Variants in GATC observed in about 807,000 individuals in gnomAD.
GATC encodes the protein glutamyl-tRNA(Gln) amidotransferase subunit C, mitochondrial.
Under a neutral mutation model 14.4 loss-of-function variants are expected in GATC, and 11 were observed. That is an observed-to-expected ratio of 0.77 (90% CI 0.48 to 1.27). The LOEUF (loss-of-function observed/expected upper bound fraction) is 1.27, where lower values mean the gene tolerates loss of function less well. GATC is among the 50% of genes most tolerant of loss of function. GATC has a pLI of 0.00. For synonymous variants in GATC, 76 were observed against 79.3 expected, an observed-to-expected ratio of 0.96 and a Z score of 0.22; for missense variants, 204 against 183.0, an observed-to-expected ratio of 1.11 and a Z score of -0.66.
intron 2 of GATC, among the ~76,000 whole-genome samples, chr12:120,453,815 CAAA>C (rs1194329326): frequency 7.3e-6 from 1 of 136,474 alleles, no homozygotes; most frequent in Admixed American, 7.6e-5. Context: ...GACCCTGTCT[CAAA>C]AAAAAAAAGT....
rs545669455 is a variant in GATC at position 120,447,792 on chromosome 12, A to G, written c.254+963A>G. Among the ~76,000 whole-genome samples the G allele has an allele frequency of 1.1e-4, 17 of 152,170 alleles. No homozygotes were observed. The South Asian group carries it at 2.3e-3, about 20-fold the overall frequency. On this transcript the variant is annotated intron_variant, in intron 2 of 3. Transcript: ENST00000551765. ...TGTTTTTGAGATGGAGTCTCACTCT[A>G]TCACCCAGGTTAGAGTGCAGTGGCA...
In GATC at chr12:120,457,011, C is replaced by T. The variant is rs1878202941; in HGVS notation, c.255-65C>T. 3.9e-6 allele frequency: 4 copies of T among 1,017,328 alleles called. No homozygotes were observed. In the East Asian group the frequency reaches 7.1e-5, roughly 18 times the overall value. The allele number at this position is 1,017,328 out of a possible 1,614,324, so 63.0% of individuals were successfully genotyped here. On this transcript the variant is annotated intron_variant, in intron 2 of 3. Coordinates refer to ENST00000551765, the MANE Select transcript of GATC (RefSeq NM_176818.3). ...CTTCCTTGTTCTCTCCTTCTTGCCC[C>T]TCTCCATCATCCCCTAAAAGCCCCC...
chr12:120,448,587 C>T (rs563469268), intron 2 of GATC, among the ~76,000 whole-genome samples: 1 of 150,398 alleles, frequency 6.6e-6, no homozygotes, highest in Non-Finnish European at 1.5e-5. Context: ...TCTTCGCCTC[C>T]CAAAGTGCTG....
At chr12:120,452,557 T>C (rs1261071261) in intron 2 of GATC, among the ~76,000 whole-genome samples, 4 of 152,122 alleles carry the variant, frequency 2.6e-5, no homozygotes, top group Admixed American at 6.6e-5. Context: ...GGCCAGCTAA[T>C]TTTTTTCTTT....
Position 120,461,996 on chromosome 12 carries a change from A to C in GATC, c.*2037A>C, listed in dbSNP as rs780370849. 2 of 1,586,848 alleles carry C rather than the reference A, an allele frequency of 1.3e-6. No individual in the cohort carries two copies. The highest frequency in any genetic ancestry group is 2.3e-5 in the South Asian group (2 of 87,098). ...GCAGCTCAGTTAACCTAAAAAATAA[A>C]GAAAAAATTCCCATCACCTGTCTCA... On this transcript the variant is annotated 3_prime_UTR_variant, in exon 4 of 4. Transcript: ENST00000551765.
rs1247170487 is a variant in GATC at position 120,461,075 on chromosome 12, T to G, written c.*1116T>G. ...GCCAAAGTTGGTTTTGGCTAAGAAT[T>G]TCCCAATAATATTTATGCTGCTGCT... On this transcript the variant is annotated 3_prime_UTR_variant, in exon 4 of 4. Transcript: ENST00000551765. 3 of 151,710 alleles carry G rather than the reference T, an allele frequency of 2.0e-5. No individual in the cohort carries two copies. Among genetic ancestry groups the G allele is most frequent in the Admixed American group, 1.3e-4 (2 of 15,216 alleles). 9.4% of individuals were successfully genotyped at this position (151,710 alleles called of 1,614,324 possible).
rs999382570 is a variant in GATC, at chr12:120,461,956, G to C, written c.*1997G>C. ...CACTAAATCCTCAATCTGGAATGTAGATTCTGAGCACAAAGCAGCTCAGTT... is the reference window on the plus strand; with the variant it reads ...CACTAAATCCTCAATCTGGAATGTACATTCTGAGCACAAAGCAGCTCAGTT... On this transcript the variant is annotated 3_prime_UTR_variant, in exon 4 of 4. Coordinates refer to ENST00000551765, the MANE Select transcript of GATC (RefSeq NM_176818.3). 7.0e-7 allele frequency: 1 copy of C among 1,425,134 alleles called. No homozygotes were observed. The highest frequency in any genetic ancestry group is 9.3e-7 in the Non-Finnish European group (1 of 1,074,634). The allele number at this position is 1,425,134 out of a possible 1,614,324, so 88.3% of individuals were successfully genotyped here.
chr12:120,457,203 A>G (rs1412903423), intron 3 of GATC, 24 bp downstream of exon 3: 1 of 1,506,958 alleles, frequency 6.6e-7, no homozygotes, highest in South Asian at 1.1e-5. Context: ...AGAATGGTTT[A>G]ACAGATAGTC....
chr12:120,457,114 A>G lies in GATC; in HGVS notation c.293A>G (p.Asn98Ser). The G allele has an allele frequency of 1.9e-6, 3 of 1,614,014 alleles. No homozygotes were observed. Among genetic ancestry groups the G allele is most frequent in the Non-Finnish European group, 2.5e-6 (3 of 1,179,960 alleles). The change falls in exon 3 of 4, where the codon AAC becomes AGC. Residue 98 changes from asparagine to serine, a missense_variant. Transcript: ENST00000551765. Reference protein sequence around the residue: ...YLRSDNVVEGNCADELLQNSH... With the variant: ...YLRSDNVVEGSCADELLQNSH... ...AGATCCGACAATGTGGTAGAAGGCA[A>G]CTGTGCTGATGAATTACTACAAAAC...
intron 2 of GATC, among the ~76,000 whole-genome samples, chr12:120,455,966 G>A (rs1358598341): frequency 7.2e-5 from 11 of 152,110 alleles, no homozygotes; most frequent in Admixed American, 5.2e-4. Context: ...GATTACAGGC[G>A]TGAGCCACCG....
In GATC at chr12:120,459,955, G is replaced by A. The variant is rs769720771; in HGVS notation, c.407G>A (p.Ser136Asn). The A allele has an allele frequency of 6.2e-7, 1 of 1,611,250 alleles. No homozygotes were observed. The change falls in exon 4 of 4, where the codon AGC becomes AAC. Residue 136 changes from serine (S) to asparagine (N), a missense_variant. Transcript: ENST00000551765. ...GATGAACAAGAGCCATTCCCACACA[G>A]CTGAGTAGCTCATTCTGGAAAGGGG... is the stretch of plus-strand genomic sequence containing the variant. ...KLDEQEPFPHS is the reference protein window; with the variant it reads ...KLDEQEPFPHN
intron 2 of GATC, among the ~76,000 whole-genome samples, chr12:120,452,586 G>A (rs1017245053): frequency 6.6e-6 from 1 of 151,918 alleles, no homozygotes; most frequent in Admixed American, 6.6e-5. Context: ...TTTTTTGGTG[G>A]AGACAGGATC....
intron 2 of GATC, among the ~76,000 whole-genome samples, chr12:120,456,652 T>C (rs190018629): frequency 6.6e-6 from 1 of 152,314 alleles, no homozygotes; most frequent in Non-Finnish European, 1.5e-5. Context: ...AATCCAGCTA[T>C]TTCTTGCCCA....
In GATC at chr12:120,461,643, A is replaced by G. The variant is rs1324402297; in HGVS notation, c.*1684A>G. ...TGTGCCTATTTGGTGAAATCTGTGA[A>G]CTTAATCAAGGACAACCACACATGT... On this transcript the variant is annotated 3_prime_UTR_variant, in exon 4 of 4. Transcript: ENST00000551765. 6.4e-6 allele frequency: 1 copy of G among 155,562 alleles called. No individual in the cohort carries two copies. Among genetic ancestry groups the G allele is most frequent in the Non-Finnish European group, 1.4e-5 (1 of 70,396 alleles). 9.6% of individuals were successfully genotyped at this position (155,562 alleles called of 1,614,324 possible).
Position 120,462,288 on chromosome 12 carries a change from G to C in GATC, c.*2329G>C, listed in dbSNP as rs1325746344. The C allele has an allele frequency of 1.0e-6, 1 of 994,096 alleles. No homozygotes were observed. Among genetic ancestry groups the C allele is most frequent in the Non-Finnish European group, 1.4e-6 (1 of 690,070 alleles). 61.6% of individuals were successfully genotyped at this position (994,096 alleles called of 1,614,324 possible). A position where few individuals can be genotyped will look rare whatever the true frequency, so the allele number is the denominator to read the frequency against. ...TTACTGTGTACTCTGTGCCTGGCAT[G>C]AGGCTATCTCATTAAACCTTCATAA... On this transcript the variant is annotated 3_prime_UTR_variant, in exon 4 of 4. Coordinates refer to ENST00000551765, the MANE Select transcript of GATC (RefSeq NM_176818.3).
chr12:120,459,194 A>C (rs1294315663), intron 3 of GATC, among the ~76,000 whole-genome samples: 1 of 152,028 alleles, frequency 6.6e-6, no homozygotes, highest in South Asian at 2.1e-4. Context: ...CCAATCCACT[A>C]AACCACCTGT....
chr12:120,455,281 G>T (rs7306754), intron 2 of GATC, among the ~76,000 whole-genome samples: 8,962 of 151,726 alleles, frequency 0.059, 856 homozygotes, highest in African/African-American at 0.21. Context: ...CGATTCTCCC[G>T]CCTCAGCCTC....
Position 120,460,006 on chromosome 12 carries a change from A to C in GATC, c.*47A>C. On this transcript the variant is annotated 3_prime_UTR_variant, in exon 4 of 4. Coordinates refer to ENST00000551765, the MANE Select transcript of GATC (RefSeq NM_176818.3). Reference sequence around the variant, plus strand: ...GTACTCTGTGAACATGTGGAAGCATAATGACAGTATTTTTTTACTGTGAAT... The same window carrying C: ...GTACTCTGTGAACATGTGGAAGCATCATGACAGTATTTTTTTACTGTGAAT... The C allele has an allele frequency of 6.9e-7, 1 of 1,453,458 alleles. No homozygotes were observed. The highest frequency in any genetic ancestry group is 9.6e-7 in the Non-Finnish European group (1 of 1,042,548). 90.0% of individuals were successfully genotyped at this position (1,453,458 alleles called of 1,614,324 possible).
At position 120,457,146 on chromosome 12, in the gene GATC, C is replaced by T. The variant is rs369081636; in HGVS notation, c.325C>T (p.Arg109Cys). The change falls in exon 3 of 4, where the codon CGC becomes TGC. Residue 109 changes from arginine to cysteine, a missense_variant. Coordinates refer to ENST00000551765, the MANE Select transcript of GATC (RefSeq NM_176818.3). Reference protein sequence around the residue: ...CADELLQNSHRVVEEYFVAPP... With the variant: ...CADELLQNSHCVVEEYFVAPP... ...TGATGAATTACTACAAAACTCCCAT[C>T]GCGTCGTGGAGGAGTACTTTGTGGC... 8.9e-5 allele frequency: 144 copies of T among 1,613,798 alleles called. No individual in the cohort carries two copies. The highest frequency in any genetic ancestry group is 4.9e-4 in the Middle Eastern group (3 of 6,084).
Sources: allele counts gnomAD v4.1 joint callset (sites outside exome capture counted in the v4.1 genomes callset), GRCh38; gene constraint gnomAD v4.1.1; transcripts MANE v1.5; gene names NCBI Gene and HGNC (gene_info 2026-07-23, HGNC 2026-07-21).